IGFL4: variants seen among roughly 807,000 people sequenced by gnomAD.
IGFL4 encodes the protein IGF like family member 4, also known as insulin growth factor-like family member 4.
A neutral mutation model predicts 15.4 loss-of-function variants in IGFL4; 12 were observed. The ratio of observed to expected loss-of-function variants is 0.78; its 90% CI spans 0.50 to 1.26. The LOEUF (loss-of-function observed/expected upper bound fraction) is 1.26, where lower values mean the gene tolerates loss of function less well. IGFL4 is among the 50% of genes most tolerant of loss of function. The pLI, the probability that IGFL4 is intolerant of heterozygous loss-of-function variation, is 0.00. For missense variants in IGFL4, 126 were observed against 147.8 expected (o/e 0.85, Z 0.76); for synonymous variants, 54 against 55.9 (o/e 0.97, Z 0.16).
At chr19:46,043,800 A>G (rs1969271197), upstream of IGFL4, among the ~76,000 whole-genome samples, 1 of 152,226 alleles carries the variant, frequency 6.6e-6, no homozygotes, top group Admixed American at 6.5e-5. Context: ...AAAATGATCT[A>G]GATATAAAAA....
chr19:46,072,465 TAAG>T (rs1257362458), intron 1 of IGFL4, among the ~76,000 whole-genome samples: 1 of 152,164 alleles, frequency 6.6e-6, no homozygotes, highest in Non-Finnish European at 1.5e-5. Flanking sequence ...AGGTAAGTCT[TAAG>T]AAGTATTTGT....
chr19:46,062,278 G>A (rs1969452346), intron 1 of IGFL4, among the ~76,000 whole-genome samples: 1 of 152,172 alleles, frequency 6.6e-6, no homozygotes, highest in African/African-American at 2.4e-5. Context: ...GATGGTTGGT[G>A]GAGGGGAAAA....
At chr19:46,041,989 C>T (rs1238017021), upstream of IGFL4, among the ~76,000 whole-genome samples, 2 of 151,860 alleles carry the variant, frequency 1.3e-5, no homozygotes, top group African/African-American at 2.4e-5. Flanking sequence ...CAGGCAGGCA[C>T]CTCCTGGCCT....
chr19:46,043,747 AAATCTTCT>A (rs1969270569), upstream of IGFL4, among the ~76,000 whole-genome samples: 1 of 152,216 alleles, frequency 6.6e-6, no homozygotes, highest in African/African-American at 2.4e-5. Context: ...ATGAAAAAAA[AAATCTTCT>A]ACCAAAGCTT....
At chr19:46,068,635 G>T (rs1212365633) in intron 1 of IGFL4, among the ~76,000 whole-genome samples, 4 of 152,162 alleles carry the variant, frequency 2.6e-5, no homozygotes, top group Admixed American at 2.6e-4. Context: ...AGATAGAATT[G>T]TTCATCTGTG....
Position 46,040,183 on chromosome 19 carries a change from A to G in IGFL4, c.304T>C (p.Ser102Pro), listed in dbSNP as rs1568708993. The G allele has an allele frequency of 4.3e-6, 7 of 1,613,922 alleles. No individual in the cohort carries two copies. Among genetic ancestry groups the G allele is most frequent in the Non-Finnish European group, 5.9e-6 (7 of 1,180,018 alleles). ...TGGGCACAGATCCTGGTGATAGGGGAGGACTTGCAATCTGGCTTCATGCCT... is the reference window on the plus strand; with the variant it reads ...TGGGCACAGATCCTGGTGATAGGGGGGGACTTGCAATCTGGCTTCATGCCT... Reference protein sequence around the residue: ...VPGMKPDCKSSPITRICAQEY... With the variant: ...VPGMKPDCKSPPITRICAQEY... The change falls in exon 3 of 4, where the codon TCC (serine) becomes CCC (proline). Residue 102 changes from serine to proline, a missense_variant. Coordinates refer to ENST00000377697, the MANE Select transcript of IGFL4 (RefSeq NM_001002923.3). This position sits in a 1 kb window ranked among gnomAD's most constrained non-coding sequence, Gnocchi z 4.1.
chr19:46,068,392 A>G (rs1010773922), intron 1 of IGFL4, among the ~76,000 whole-genome samples: 1 of 152,252 alleles, frequency 6.6e-6, no homozygotes, highest in African/African-American at 2.4e-5. Context: ...AATCCAACAT[A>G]AAACAAGACT....
At chr19:46,047,978 C>T (rs1568711489) in intron 2 of IGFL4, among the ~76,000 whole-genome samples, 1 of 152,158 alleles carries the variant, frequency 6.6e-6, no homozygotes, top group Non-Finnish European at 1.5e-5. Context: ...AAGAAAACTT[C>T]AGGCCAATAT....
At chr19:46,064,513 T>C (rs921550970) in intron 1 of IGFL4, among the ~76,000 whole-genome samples, 2 of 152,122 alleles carry the variant, frequency 1.3e-5, no homozygotes, top group African/African-American at 2.4e-5. Context: ...CCTTCTAATC[T>C]CTATCTCCAT....
At chr19:46,041,561 T>G (rs1969243407), upstream of IGFL4, among the ~76,000 whole-genome samples, 1 of 151,418 alleles carries the variant, frequency 6.6e-6, no homozygotes, top group Non-Finnish European at 1.5e-5. Flanking sequence ...AGGATGGATC[T>G]CTGGGATTCC....
In IGFL4 at chr19:46,063,364, C is replaced by A. The variant is rs560547880; in HGVS notation, c.-431-3071G>T. Among the ~76,000 whole-genome samples the A allele has an allele frequency of 2.0e-5, 3 of 150,022 alleles. No homozygotes were observed. The South Asian group carries it at 6.4e-4, about 32-fold the overall frequency. On this transcript the variant is annotated intron_variant, in intron 1 of 5. Transcript: ENST00000601672. ...ACACACACACACACACACACACACACACATACACGATCCCTCTGTCCTCTT... is the reference window on the plus strand; with the variant it reads ...ACACACACACACACACACACACACAAACATACACGATCCCTCTGTCCTCTT...
intron 2 of IGFL4, among the ~76,000 whole-genome samples, chr19:46,053,093 AG>A (rs1248556001): frequency 6.6e-6 from 1 of 152,124 alleles, no homozygotes; most frequent in Admixed American, 6.6e-5. Flanking sequence ...GGGATAGGCA[AG>A]TTGTATAATT....
chr19:46,040,336 C>G lies in IGFL4; in HGVS notation c.151G>C (p.Gly51Arg). The change falls in exon 3 of 4, where the codon GGT becomes CGT. Residue 51 changes from glycine (G) to arginine (R), a missense_variant. Physicochemically the swap from Gly to Arg is moderately radical, Grantham distance 125. Coordinates refer to ENST00000377697, the MANE Select transcript of IGFL4 (RefSeq NM_001002923.3). This position sits in a 1 kb window ranked among gnomAD's most constrained non-coding sequence, Gnocchi z 4.1. ...GTCTGGTTCAAGTCTAGGATGACACCGTCATCACAGCACTGCTCCAAGGGG... is the reference window on the plus strand; with the variant it reads ...GTCTGGTTCAAGTCTAGGATGACACGGTCATCACAGCACTGCTCCAAGGGG... ...YNPLEQCCDD[G>R]VILDLNQTRL... 6.2e-7 allele frequency: 1 copy of G among 1,614,050 alleles called. No homozygotes were observed. The highest frequency in any genetic ancestry group is 8.5e-7 in the Non-Finnish European group (1 of 1,179,924).
At chr19:46,063,257 C>A (rs1969462467) in intron 1 of IGFL4, among the ~76,000 whole-genome samples, 1 of 151,906 alleles carries the variant, frequency 6.6e-6, no homozygotes, top group African/African-American at 2.4e-5. Context: ...TCATTGCAAT[C>A]ATTACAGATG....
upstream of IGFL4, chr19:46,041,078 AG>A (rs1969238640): frequency 1.0e-6 from 1 of 959,716 alleles, no homozygotes; most frequent in Non-Finnish European, 1.5e-6. Flanking sequence ...GTGCAGAAGG[AG>A]TGGTTTCTTG....
At chr19:46,066,591 G>T (rs1969497174) in intron 1 of IGFL4, among the ~76,000 whole-genome samples, 1 of 152,202 alleles carries the variant, frequency 6.6e-6, no homozygotes, top group Non-Finnish European at 1.5e-5. Flanking sequence ...GCTGGCATCT[G>T]GTTGGCTTCT....
chr19:46,059,842 C>T (rs556950288), intron 2 of IGFL4: 2 of 152,270 alleles, frequency 1.3e-5, no homozygotes, highest in African/African-American at 2.4e-5. Context: ...TGAGCCCAGC[C>T]GTGAGTTTGC....
chr19:46,046,457 G>T (rs991761333), intron 2 of IGFL4, among the ~76,000 whole-genome samples: 1 of 152,186 alleles, frequency 6.6e-6, no homozygotes, highest in African/African-American at 2.4e-5. Context: ...AAAAGACACA[G>T]AATGGCAAGT....
At chr19:46,060,609 G>A (rs1288302987) in intron 1 of IGFL4, among the ~76,000 whole-genome samples, 3 of 152,170 alleles carry the variant, frequency 2.0e-5, no homozygotes, top group African/African-American at 7.2e-5. Context: ...CATAGTCAAA[G>A]ATACGATTGA....
Sources: allele counts gnomAD v4.1 joint callset (sites outside exome capture counted in the v4.1 genomes callset), GRCh38; gene constraint gnomAD v4.1.1; non-coding constraint Gnocchi (gnomAD v3.1); transcripts MANE v1.5; gene names NCBI Gene and HGNC (gene_info 2026-07-23, HGNC 2026-07-21).